ARHGEF3: variants seen among roughly 807,000 people sequenced by gnomAD.
The protein encoded by ARHGEF3 is Rho guanine nucleotide exchange factor 3, also known as 59.8 kDA protein.
A neutral mutation model predicts 63.2 loss-of-function variants in ARHGEF3; 28 were observed. The ratio of observed to expected loss-of-function variants is 0.44; its 90% confidence interval spans 0.33 to 0.61. ARHGEF3 has a LOEUF of 0.61. ARHGEF3 is among the 20% of genes least tolerant of loss of function. The pLI is 0.03. For synonymous variants in ARHGEF3, 266 were observed against 254.2 expected (o/e 1.05, Z -0.44); for missense variants, 533 against 659.3 (o/e 0.81, Z 2.10).
rs553910537 is a variant in ARHGEF3, at chr3:56,784,801, T to C, written c.97-10985A>G. On this transcript the variant is annotated intron_variant, in intron 1 of 9. Coordinates refer to ENST00000296315, the MANE Select transcript of ARHGEF3 (RefSeq NM_019555.3). ...CTTTGCAAAGGATCTAAGGATAAAATATGAGCCAACCTGTCTGGTCAGAGT... is the reference window on the plus strand; with the variant it reads ...CTTTGCAAAGGATCTAAGGATAAAACATGAGCCAACCTGTCTGGTCAGAGT... Among the ~76,000 whole-genome samples the C allele has an allele frequency of 1.5e-3, 233 of 152,230 alleles. 1 individual carries two copies. Among genetic ancestry groups the C allele is most frequent in the African/African-American group, 5.3e-3 (221 of 41,538 alleles).
chr3:56,913,664 T>A (rs750155553), intron 3 of ARHGEF3, among the ~76,000 whole-genome samples: 2 of 152,104 alleles, frequency 1.3e-5, no homozygotes, highest in Non-Finnish European at 2.9e-5. Context: ...GGGTATATAC[T>A]CAAAAAAACT....
intron 2 of ARHGEF3, among the ~76,000 whole-genome samples, chr3:56,975,293 C>A (rs2106872240): frequency 6.6e-6 from 1 of 152,176 alleles, no homozygotes; most frequent in South Asian, 2.1e-4. Context: ...TGGTGCTCAC[C>A]TGTAGTCCCA....
At chr3:56,975,091 T>C (rs1465831512) in intron 2 of ARHGEF3, among the ~76,000 whole-genome samples, 2 of 152,098 alleles carry the variant, frequency 1.3e-5, no homozygotes, top group Admixed American at 6.6e-5. Flanking sequence ...CTCTCTGTCA[T>C]AGAGAACGTT....
chr3:56,810,238 T>C (rs1365773729), intron 4 of ARHGEF3, among the ~76,000 whole-genome samples: 1 of 152,192 alleles, frequency 6.6e-6, no homozygotes. Flanking sequence ...ATATGTGCTA[T>C]TATTTTATGT....
At chr3:56,753,594 G>A in intron 3 of ARHGEF3, 28 bp from the exon 4 acceptor site, 1 of 1,599,282 alleles carries the variant, frequency 6.3e-7, no homozygotes, top group South Asian at 1.1e-5. Flanking sequence ...CATATTCACT[G>A]AATTCTCCCT....
intron 2 of ARHGEF3, among the ~76,000 whole-genome samples, chr3:56,973,366 T>A (rs1243425087): frequency 6.6e-6 from 1 of 152,068 alleles, no homozygotes; most frequent in African/African-American, 2.4e-5. Context: ...GTGGATTAAG[T>A]ACAGAAGGTG....
At chr3:56,737,109 T>C in intron 8 of ARHGEF3, 76 bp downstream of exon 8, 1 of 1,406,680 alleles carries the variant, frequency 7.1e-7, no homozygotes, top group Non-Finnish European at 9.6e-7. Flanking sequence ...GAAGAAATTC[T>C]AAGAGGAGGC....
Position 56,986,161 on chromosome 3 carries a change from A to C in ARHGEF3, c.63-27272T>G, listed in dbSNP as rs567937450. Among the ~76,000 whole-genome samples the C allele has an allele frequency of 4.6e-5, 7 of 152,314 alleles. No homozygotes were observed. In the East Asian group the frequency reaches 1.2e-3, roughly 25 times the overall value. ...TAAATGTAAAAGAAACCACACACCC[A>C]CAAACTACCAGCAACCTAAAGAGCC... On this transcript the variant is annotated intron_variant, in intron 2 of 12. Transcript: ENST00000338458.
At chr3:56,759,241 G>C (rs921952497) in intron 2 of ARHGEF3, among the ~76,000 whole-genome samples, 1 of 143,782 alleles carries the variant, frequency 7.0e-6, no homozygotes, top group African/African-American at 2.6e-5. Flanking sequence ...GCAGTGGCAC[G>C]ATCTCGGCTC....
At chr3:56,845,199 C>A (rs2039447091) in intron 4 of ARHGEF3, among the ~76,000 whole-genome samples, 1 of 152,200 alleles carries the variant, frequency 6.6e-6, no homozygotes, top group Admixed American at 6.5e-5. Flanking sequence ...TCAGATGAGA[C>A]CATAACCCTG....
At chr3:57,068,009 AAAC>A (rs1477084499) in intron 1 of ARHGEF3, among the ~76,000 whole-genome samples, 24 of 151,928 alleles carry the variant, frequency 1.6e-4, no homozygotes, top group African/African-American at 5.1e-4. Context: ...AAAAACAAAC[AAAC>A]AACAACAAAA....
intron 2 of ARHGEF3, among the ~76,000 whole-genome samples, chr3:56,968,256 TATTTAA>T (rs1560094442): frequency 6.7e-5 from 3 of 44,696 alleles, no homozygotes; most frequent in East Asian, 9.5e-4. Context: ...TAATATATAA[TATTTAA>T]ATATATAATA....
At chr3:56,788,302 C>T (rs917408054) in intron 1 of ARHGEF3, among the ~76,000 whole-genome samples, 1 of 152,192 alleles carries the variant, frequency 6.6e-6, no homozygotes, top group Non-Finnish European at 1.5e-5. Flanking sequence ...AAATTGCCTG[C>T]TTCTCCCCCT....
chr3:56,786,693 G>A (rs1434175965), intron 1 of ARHGEF3, among the ~76,000 whole-genome samples: 1 of 152,118 alleles, frequency 6.6e-6, no homozygotes, highest in Admixed American at 6.6e-5. Context: ...ATTATCTACA[G>A]TTTATTAAAA....
At chr3:56,985,237 C>T (rs992032234) in intron 2 of ARHGEF3, among the ~76,000 whole-genome samples, 4 of 152,182 alleles carry the variant, frequency 2.6e-5, no homozygotes, top group South Asian at 2.1e-4. Context: ...TATAGGTGCC[C>T]GCCACCATGA....
chr3:56,952,807 T>C (rs1685643809), intron 3 of ARHGEF3, among the ~76,000 whole-genome samples: 1 of 152,084 alleles, frequency 6.6e-6, no homozygotes, highest in African/African-American at 2.4e-5. Context: ...AGGTTTAAAA[T>C]AAAGTCGAAG....
chr3:56,846,914 A>C (rs1215219926), intron 4 of ARHGEF3, among the ~76,000 whole-genome samples: 1 of 152,248 alleles, frequency 6.6e-6, no homozygotes, highest in Non-Finnish European at 1.5e-5. Flanking sequence ...GCATTTTAAC[A>C]AGGAAAACAT....
chr3:57,013,349 G>A (rs1285830775), intron 2 of ARHGEF3, among the ~76,000 whole-genome samples: 1 of 152,252 alleles, frequency 6.6e-6, no homozygotes, highest in African/African-American at 2.4e-5. Context: ...TAGGGGCTTG[G>A]AGAACTTTTT....
intron 3 of ARHGEF3, chr3:56,958,673 G>T: frequency 1.2e-6 from 1 of 815,796 alleles, no homozygotes. Context: ...ACTGATTCAA[G>T]TGTGACTTCC....
Sources: gnomAD v4.1 joint callset for allele counts (sites outside exome capture counted in the v4.1 genomes callset) on GRCh38, gnomAD v4.1.1 for gene constraint, MANE v1.5 for transcripts, NCBI Gene and HGNC (gene_info 2026-07-23, HGNC 2026-07-21) for gene names.